The following SPIRE1 variants were observed in gnomAD, a reference collection of about 807,000 sequenced individuals.
SPIRE1 encodes the protein protein spire homolog 1.
In SPIRE1, 40 loss-of-function variants were observed where a neutral mutation model predicts 94.1. The ratio of observed to expected loss-of-function variants is 0.43; its 90% CI spans 0.33 to 0.55. The LOEUF is 0.55. Among genes scored for constraint, SPIRE1 ranks in the 20% least tolerant of loss-of-function variants. The pLI, the probability that SPIRE1 is intolerant of heterozygous loss-of-function variation, is 0.06. For missense variants in SPIRE1, 838 were observed against 975.2 expected (o/e 0.86, Z 1.87); for synonymous variants, 376 against 371.7 (o/e 1.01, Z -0.13).
intron 2 of SPIRE1, among the ~76,000 whole-genome samples, chr18:12,548,344 A>G (rs2035232579): frequency 6.6e-6 from 1 of 152,234 alleles, no homozygotes. Context: ...AGTTAAATAC[A>G]AGAGAGTCAT....
chr18:12,487,426 A>T (rs1325691308), intron 8 of SPIRE1, among the ~76,000 whole-genome samples: 1 of 138,304 alleles, frequency 7.2e-6, no homozygotes, highest in Non-Finnish European at 1.5e-5. Context: ...TTTGAGATGG[A>T]GTCTCACTCT....
At chr18:12,469,868 T>A (rs916705185) in intron 10 of SPIRE1, among the ~76,000 whole-genome samples, 1 of 151,102 alleles carries the variant, frequency 6.6e-6, no homozygotes, top group African/African-American at 2.4e-5. Flanking sequence ...GTGCATTCTC[T>A]ATTTAAAAAG....
At position 12,559,365 on chromosome 18, in the gene SPIRE1, C is replaced by G. The variant is rs535853555; in HGVS notation, c.373-12461G>C. ...CCTCTCATTGCCCGGGCCGGCGTCG[C>G]CAGCCGGCAGCTCTGAGTGCTGGCC... On this transcript the variant is annotated intron_variant, in intron 2 of 16. Transcript: ENST00000409402. This position sits in a 1 kb window ranked among gnomAD's most constrained non-coding sequence, Gnocchi z 4.7. Among the ~76,000 whole-genome samples the G allele has an allele frequency of 1.5e-4, 23 of 152,286 alleles. No individual in the cohort carries two copies. The highest frequency in any genetic ancestry group is 2.6e-4 in the Admixed American group (4 of 15,308).
At chr18:12,560,672 G>A (rs754195458) in intron 2 of SPIRE1, among the ~76,000 whole-genome samples, 2 of 152,138 alleles carry the variant, frequency 1.3e-5, no homozygotes, top group Non-Finnish European at 2.9e-5. Flanking sequence ...CCAACGTGGT[G>A]AAACCCCATC....
At chr18:12,509,069 T>G (rs183324332) in intron 5 of SPIRE1, among the ~76,000 whole-genome samples, 20 of 152,352 alleles carry the variant, frequency 1.3e-4, no homozygotes, top group Admixed American at 1.3e-3. Context: ...AGTTATTATA[T>G]AAAATAACAG....
At chr18:12,506,408 C>T (rs2033833180) in intron 6 of SPIRE1, 69 bp downstream of exon 6, 2 of 1,416,086 alleles carry the variant, frequency 1.4e-6, no homozygotes, top group Non-Finnish European at 2.0e-6. Flanking sequence ...ATCCACCTGC[C>T]TCGACCTCCC....
At chr18:12,506,716 T>A in intron 5 of SPIRE1, 75 bp from the exon 6 acceptor site, 1 of 1,355,726 alleles carries the variant, frequency 7.4e-7, no homozygotes, top group Non-Finnish European at 1.0e-6. Flanking sequence ...TCATACAGAA[T>A]AAATGAAGAG....
At chr18:12,529,883 A>G (rs1442242025) in intron 4 of SPIRE1, among the ~76,000 whole-genome samples, 1 of 152,172 alleles carries the variant, frequency 6.6e-6, no homozygotes, top group Non-Finnish European at 1.5e-5. Context: ...ATGCACAATT[A>G]TTTTCACTGT....
chr18:12,604,904 T>C (rs2036931033), intron 2 of SPIRE1, among the ~76,000 whole-genome samples: 1 of 152,192 alleles, frequency 6.6e-6, no homozygotes, highest in Non-Finnish European at 1.5e-5. Context: ...CACAATAAAA[T>C]ATGATCCAGC....
intron 3 of SPIRE1, among the ~76,000 whole-genome samples, chr18:12,539,788 G>C (rs1415354464): frequency 6.6e-6 from 1 of 151,830 alleles, no homozygotes; most frequent in African/African-American, 2.4e-5. Flanking sequence ...AGCTGGACAT[G>C]GTGGCGAGTG....
chr18:12,557,038 A>G (rs1296041889), intron 2 of SPIRE1, among the ~76,000 whole-genome samples: 1 of 152,164 alleles, frequency 6.6e-6, no homozygotes, highest in Non-Finnish European at 1.5e-5. Flanking sequence ...GCTAGACACA[A>G]AAGTTCTCCA....
At chr18:12,556,789 A>T (rs1310874135) in intron 2 of SPIRE1, among the ~76,000 whole-genome samples, 1 of 152,146 alleles carries the variant, frequency 6.6e-6, no homozygotes, top group Non-Finnish European at 1.5e-5. Context: ...GTGAGGACCC[A>T]AAGAGTGAGC....
intron 2 of SPIRE1, among the ~76,000 whole-genome samples, chr18:12,552,751 C>T (rs973468063): frequency 6.6e-6 from 1 of 152,096 alleles, no homozygotes; most frequent in Non-Finnish European, 1.5e-5. Flanking sequence ...CACGTGGACC[C>T]CCTTAGAGTT....
intron 3 of SPIRE1, among the ~76,000 whole-genome samples, chr18:12,536,860 A>C (rs1029227695): frequency 2.6e-5 from 4 of 152,234 alleles, no homozygotes; most frequent in African/African-American, 9.6e-5. Flanking sequence ...CTTCATTTGC[A>C]CTAACAAGCT....
intron 2 of SPIRE1, among the ~76,000 whole-genome samples, chr18:12,592,163 A>T (rs72879317): frequency 6.6e-6 from 1 of 152,158 alleles, no homozygotes; most frequent in Non-Finnish European, 1.5e-5. Flanking sequence ...AAAACAATGA[A>T]ACCAGATGAG....
intron 2 of SPIRE1, among the ~76,000 whole-genome samples, chr18:12,634,000 G>A (rs1598563501): frequency 6.6e-6 from 1 of 152,136 alleles, no homozygotes; most frequent in East Asian, 1.9e-4. Flanking sequence ...TGTAATCCCA[G>A]CACTTTGGGA....
intron 4 of SPIRE1, among the ~76,000 whole-genome samples, chr18:12,518,336 T>C (rs537939931): frequency 6.6e-6 from 1 of 152,170 alleles, no homozygotes; most frequent in African/African-American, 2.4e-5. Context: ...AGTTAAAATA[T>C]GCTAATGTAG....
rs960326528 is a variant in SPIRE1 at position 12,633,297 on chromosome 18, G to A, written c.372+1765C>T. 3.3e-4 allele frequency among the ~76,000 whole-genome samples: 50 copies of A among 152,226 alleles called. 1 individual carries two copies. The highest frequency in any genetic ancestry group is 1.2e-3 in the African/African-American group (48 of 41,562). On this transcript the variant is annotated intron_variant, in intron 2 of 16. Coordinates refer to ENST00000409402, the MANE Select transcript of SPIRE1 (RefSeq NM_001128626.2). ...GGAAAAAATTGTCCCTCCTTTCAAA[G>A]TTGAATAGAAAATGCAAAAATGGGC...
Position 12,535,555 on chromosome 18 carries a change from T to A in SPIRE1, c.650A>T (p.Tyr217Phe), listed in dbSNP as rs779625456. 5 of 1,613,402 alleles carry A rather than the reference T, an allele frequency of 3.1e-6. No individual in the cohort carries two copies. Among genetic ancestry groups the A allele is most frequent in the Non-Finnish European group, 3.4e-6 (4 of 1,179,382 alleles). ...AAACAGTGCACGACATACTGCCTGA[T>A]AATGATTTGGTGCATCTGATTCAGT... ...LPTESDAPNHYQAVCRALFAE... is the reference protein window; with the variant it reads ...LPTESDAPNHFQAVCRALFAE... The change falls in exon 4 of 17, where the codon TAT becomes TTT. Residue 217 changes from tyrosine to phenylalanine, a missense_variant. Tyr to Phe is a conservative substitution (Grantham distance 22). Coordinates refer to ENST00000409402, the MANE Select transcript of SPIRE1 (RefSeq NM_001128626.2).
Sources: allele counts gnomAD v4.1 joint callset (sites outside exome capture counted in the v4.1 genomes callset), GRCh38; gene constraint gnomAD v4.1.1; non-coding constraint Gnocchi (gnomAD v3.1); transcripts MANE v1.5; gene names NCBI Gene and HGNC (gene_info 2026-07-23, HGNC 2026-07-21).